FAF1: variants seen among roughly 807,000 people sequenced by gnomAD.
FAF1 encodes the protein FAS-associated factor 1.
FAF1 carries 25 observed loss-of-function variants against 92.5 expected under a neutral mutation model. The ratio of observed to expected loss-of-function variants is 0.27; its 90% CI spans 0.20 to 0.38. The LOEUF (loss-of-function observed/expected upper bound fraction) is 0.38, where lower values mean the gene tolerates loss of function less well. FAF1 is among the 10% of genes least tolerant of loss of function. The pLI is 1.00. For missense variants in FAF1, 636 were observed against 793.3 expected (o/e 0.80, Z 2.38); for synonymous variants, 234 against 273.2 (o/e 0.86, Z 1.42).
intron 13 of FAF1, among the ~76,000 whole-genome samples, chr1:50,555,077 G>A (rs2149048832): frequency 6.6e-6 from 1 of 152,146 alleles, no homozygotes; most frequent in Non-Finnish European, 1.5e-5. Flanking sequence ...TAATAGCTGG[G>A]CATGGCGGCA....
chr1:50,651,511 T>C (rs1343444710), intron 8 of FAF1, among the ~76,000 whole-genome samples: 1 of 152,168 alleles, frequency 6.6e-6, no homozygotes, highest in Non-Finnish European at 1.5e-5. Flanking sequence ...CACACAAATT[T>C]CTTCAACTGA....
At chr1:50,908,076 C>T (rs965760358) in intron 1 of FAF1, among the ~76,000 whole-genome samples, 4 of 152,020 alleles carry the variant, frequency 2.6e-5, no homozygotes, top group Non-Finnish European at 5.9e-5. Context: ...GTTGTGTCTT[C>T]GTTCTCATTG....
At chr1:50,725,477 A>G in intron 6 of FAF1, among the ~76,000 whole-genome samples, 1 of 152,178 alleles carries the variant, frequency 6.6e-6, no homozygotes, top group East Asian at 1.9e-4. Context: ...TTTTTTTGAG[A>G]CAGAGTCTCG....
intron 8 of FAF1, among the ~76,000 whole-genome samples, chr1:50,636,379 CTTTTTTT>C (rs1213567555): frequency 1.1e-4 from 9 of 79,876 alleles, no homozygotes; most frequent in South Asian, 9.3e-4. Context: ...GGGGCGTGTC[CTTTTTTT>C]TTTTTTTTTT....
chr1:50,628,831 T>C (rs1052501306), intron 8 of FAF1, among the ~76,000 whole-genome samples: 2 of 152,228 alleles, frequency 1.3e-5, no homozygotes, highest in Non-Finnish European at 2.9e-5. Context: ...AGAACACAGA[T>C]GACAGGTTTT....
chr1:50,485,667 C>CATAAAAA (rs1646756640), intron 17 of FAF1, among the ~76,000 whole-genome samples: 1 of 13,716 alleles, frequency 7.3e-5, no homozygotes, highest in African/African-American at 2.4e-4. Flanking sequence ...GAGACTGTCT[C>CATAAAAA]AAAAAAAAAA....
At chr1:50,715,958 TCAA>T (rs139866078) in intron 6 of FAF1, among the ~76,000 whole-genome samples, 3 of 152,306 alleles carry the variant, frequency 2.0e-5, no homozygotes, top group Non-Finnish European at 4.4e-5. Context: ...GATAAAATCA[TCAA>T]CAACACAAAG....
At chr1:50,755,858 C>T (rs910994149) in intron 4 of FAF1, among the ~76,000 whole-genome samples, 1 of 152,212 alleles carries the variant, frequency 6.6e-6, no homozygotes, top group Non-Finnish European at 1.5e-5. Context: ...TGCATTGACT[C>T]CTTTCAGCCA....
rs1214750973 is a variant in FAF1, at chr1:50,437,111, G to A, written c.*4329C>T. 1 of 152,162 alleles carries A rather than the reference G, an allele frequency of 6.6e-6. No homozygotes were observed. Among genetic ancestry groups the A allele is most frequent in the Admixed American group, 6.5e-5 (1 of 15,282 alleles). 9.4% of individuals were successfully genotyped at this position (152,162 alleles called of 1,614,324 possible). A position where few individuals can be genotyped will look rare whatever the true frequency, so the allele number is the denominator to read the frequency against. On this transcript the variant is annotated 3_prime_UTR_variant, in exon 19 of 19. Coordinates refer to ENST00000396153, the MANE Select transcript of FAF1 (RefSeq NM_007051.3). ...AGTGAGGAGCTGTGTGGCCAGTTGG[G>A]GTTAAGTGTCACCTTCCAAAGCAGA... is the stretch of plus-strand genomic sequence containing the variant.
At chr1:50,631,585 A>G (rs146905973) in intron 8 of FAF1, among the ~76,000 whole-genome samples, 2 of 152,346 alleles carry the variant, frequency 1.3e-5, no homozygotes, top group African/African-American at 4.8e-5. Context: ...AGTGAAAAGG[A>G]GAAAGTTCTT....
intron 15 of FAF1, among the ~76,000 whole-genome samples, chr1:50,497,503 T>C (rs192862191): frequency 6.9e-4 from 105 of 151,370 alleles, no homozygotes; most frequent in African/African-American, 2.4e-3. Flanking sequence ...AAATGGGAGC[T>C]TCATAGGTAA....
intron 15 of FAF1, among the ~76,000 whole-genome samples, chr1:50,505,903 T>C (rs1647052688): frequency 6.6e-6 from 1 of 152,092 alleles, no homozygotes; most frequent in African/African-American, 2.4e-5. Flanking sequence ...TAGGGAGAGC[T>C]TCAGGAAAAG....
intron 1 of FAF1, among the ~76,000 whole-genome samples, chr1:50,927,879 C>G (rs539582213): frequency 6.6e-6 from 1 of 152,156 alleles, no homozygotes; most frequent in African/African-American, 2.4e-5. Flanking sequence ...CTAATCTCCT[C>G]TTTTTCTTTT....
At chr1:50,828,147 A>T (rs1456967129) in intron 2 of FAF1, among the ~76,000 whole-genome samples, 2 of 152,222 alleles carry the variant, frequency 1.3e-5, no homozygotes, top group Non-Finnish European at 2.9e-5. Context: ...AAGTATAGAC[A>T]AATAAACAAA....
intron 6 of FAF1, among the ~76,000 whole-genome samples, chr1:50,729,058 A>ATAT (rs1375923156): frequency 0.042 from 2,912 of 69,922 alleles, 150 homozygotes; most frequent in Middle Eastern, 0.078. Context: ...ATATATATAT[A>ATAT]TTTTTTTTTT....
intron 6 of FAF1, among the ~76,000 whole-genome samples, chr1:50,714,165 A>C (rs188317426): frequency 1.3e-5 from 2 of 151,864 alleles, no homozygotes; most frequent in African/African-American, 2.4e-5. Context: ...CACTGGTATA[A>C]ATATTTTTTT....
intron 9 of FAF1, among the ~76,000 whole-genome samples, chr1:50,595,372 A>G (rs1000453303): frequency 2.6e-5 from 4 of 151,386 alleles, no homozygotes; most frequent in African/African-American, 9.7e-5. Flanking sequence ...TTTATCTATC[A>G]CCCTTGACTC....
At chr1:50,919,286 G>C (rs548372478) in intron 1 of FAF1, among the ~76,000 whole-genome samples, 1 of 151,772 alleles carries the variant, frequency 6.6e-6, no homozygotes, top group African/African-American at 2.4e-5. Context: ...TTTCATGCTG[G>C]AGGGAAATGA....
chr1:50,624,022 AAAG>A lies in FAF1; in HGVS notation c.745-27809_745-27807del, dbSNP rs982176373. ...AGGAAGAAGAAGAAAGAAGAAGAAG[AAAG>A]AAGAAAGAAGAAGAAGAACCACAAA... On this transcript the variant is annotated intron_variant, in intron 8 of 18. Coordinates refer to ENST00000396153, the MANE Select transcript of FAF1 (RefSeq NM_007051.3). 2.5e-3 allele frequency among the ~76,000 whole-genome samples: 312 copies of A among 125,996 alleles called. 3 individuals are homozygous for A. The highest frequency in any genetic ancestry group is 0.011 in the African/African-American group (309 of 28,688). The allele number at this position is 125,996 out of a possible 152,430, so 82.7% of individuals were successfully genotyped here. A position where few individuals can be genotyped will look rare whatever the true frequency, so the allele number is the denominator to read the frequency against.
Sources: allele counts gnomAD v4.1 joint callset (sites outside exome capture counted in the v4.1 genomes callset), GRCh38; gene constraint gnomAD v4.1.1; transcripts MANE v1.5; gene names NCBI Gene and HGNC (gene_info 2026-07-23, HGNC 2026-07-21).